STAG1: variants seen among roughly 807,000 people sequenced by gnomAD.
The protein encoded by STAG1 is STAG1 cohesin complex component.
A neutral mutation model predicts 170.9 loss-of-function variants in STAG1; 26 were observed. That is an observed-to-expected ratio of 0.15 (90% CI 0.11 to 0.21). STAG1 has a LOEUF of 0.21. Among genes scored for constraint, STAG1 ranks in the 10% least tolerant of loss-of-function variants. The pLI is 1.00. For missense variants in STAG1, 964 were observed against 1,509.5 expected (o/e 0.64, Z 5.99); for synonymous variants, 514 against 497.7 (o/e 1.03, Z -0.44).
At chr3:136,535,245 G>C (rs1211001905) in intron 6 of STAG1, among the ~76,000 whole-genome samples, 1 of 152,230 alleles carries the variant, frequency 6.6e-6, no homozygotes, top group Non-Finnish European at 1.5e-5. Context: ...AAGCGTGTGA[G>C]GAGGAAACAG....
chr3:136,708,797 G>C (rs1219993601), intron 1 of STAG1, among the ~76,000 whole-genome samples: 1 of 151,940 alleles, frequency 6.6e-6, no homozygotes, highest in Non-Finnish European at 1.5e-5. Context: ...GTTATTTATA[G>C]TTAAAAGTCA....
At chr3:136,736,945 G>C in intron 1 of STAG1, 1 of 1,595,294 alleles carries the variant, frequency 6.3e-7, no homozygotes, top group Non-Finnish European at 8.6e-7. Flanking sequence ...TTTGTCCACA[G>C]CCTCAAAAGC....
At chr3:136,513,418 A>C (rs1379879221) in intron 7 of STAG1, among the ~76,000 whole-genome samples, 2 of 152,290 alleles carry the variant, frequency 1.3e-5, no homozygotes, top group East Asian at 3.9e-4. Context: ...AGGATACTCA[A>C]AATTAATAAA....
chr3:136,416,035 G>A (rs1173748707), intron 21 of STAG1, among the ~76,000 whole-genome samples: 1 of 151,084 alleles, frequency 6.6e-6, no homozygotes, highest in African/African-American at 2.4e-5. Context: ...TTGAGACGGA[G>A]TCTTGCTCAT....
chr3:136,501,661 G>A (rs568486171), intron 8 of STAG1, among the ~76,000 whole-genome samples: 6 of 152,204 alleles, frequency 3.9e-5, no homozygotes, highest in Admixed American at 2.0e-4. Flanking sequence ...TGTTTAATTC[G>A]TTCAGTTTGT....
intron 1 of STAG1, among the ~76,000 whole-genome samples, chr3:136,731,651 A>C (rs559472283): frequency 6.6e-6 from 1 of 152,232 alleles, no homozygotes; most frequent in African/African-American, 2.4e-5. Context: ...GTACTTCGGG[A>C]AAACAAGAAC....
chr3:136,416,129 T>A (rs1406663283), intron 21 of STAG1, among the ~76,000 whole-genome samples: 2 of 152,064 alleles, frequency 1.3e-5, no homozygotes, highest in Admixed American at 6.6e-5. Context: ...TGCCTCAGCC[T>A]CCCGAGTAGC....
chr3:136,589,757 G>A lies in STAG1; in HGVS notation c.297+14552C>T, dbSNP rs146465265. Among the ~76,000 whole-genome samples, 87 of 150,626 alleles carry A rather than the reference G, an allele frequency of 5.8e-4. 5 individuals are homozygous for A. In the East Asian group the frequency reaches 0.016, roughly 27 times the overall value. Reference sequence around the variant, plus strand: ...ACCAACCTAGCCAACATAGTGAAACGCTGTCTCTACTAAAAATACAAAAAT... The same window carrying A: ...ACCAACCTAGCCAACATAGTGAAACACTGTCTCTACTAAAAATACAAAAAT... On this transcript the variant is annotated intron_variant, in intron 4 of 33. Coordinates refer to ENST00000383202, the MANE Select transcript of STAG1 (RefSeq NM_005862.3).
intron 1 of STAG1, among the ~76,000 whole-genome samples, chr3:136,649,549 T>C (rs1168000028): frequency 7.4e-6 from 1 of 135,436 alleles, no homozygotes; most frequent in Non-Finnish European, 1.6e-5. Context: ...ACTTAATAAA[T>C]ATTTCAATAG....
intron 4 of STAG1, among the ~76,000 whole-genome samples, chr3:136,569,175 A>T (rs1164500702): frequency 1.3e-5 from 2 of 152,100 alleles, no homozygotes; most frequent in Admixed American, 6.6e-5. Context: ...AAAATGATAA[A>T]AATTAACTTC....
intron 5 of STAG1, among the ~76,000 whole-genome samples, chr3:136,553,407 C>T (rs748864729): frequency 6.6e-6 from 1 of 152,152 alleles, no homozygotes; most frequent in African/African-American, 2.4e-5. Flanking sequence ...ACAATACTCC[C>T]TGCCCCTGTC....
At chr3:136,452,657 C>T (rs1198248707) in intron 13 of STAG1, among the ~76,000 whole-genome samples, 2 of 151,866 alleles carry the variant, frequency 1.3e-5, no homozygotes, top group Non-Finnish European at 2.9e-5. Context: ...GAACAATGTC[C>T]TACAGGTTAA....
intron 15 of STAG1, among the ~76,000 whole-genome samples, chr3:136,435,703 C>T (rs1014313579): frequency 5.3e-5 from 8 of 151,918 alleles, no homozygotes; most frequent in South Asian, 4.2e-4. Flanking sequence ...GCATTTCACT[C>T]GTGTCACCCA....
intron 22 of STAG1, among the ~76,000 whole-genome samples, chr3:136,379,775 T>A (rs887907411): frequency 2.6e-5 from 4 of 152,054 alleles, no homozygotes; most frequent in African/African-American, 9.7e-5. Flanking sequence ...GGGGTATAAA[T>A]AGGGAAGACA....
At chr3:136,426,098 T>G (rs998428788) in intron 16 of STAG1, among the ~76,000 whole-genome samples, 25 of 151,562 alleles carry the variant, frequency 1.6e-4, no homozygotes, top group African/African-American at 4.4e-4. Context: ...TTTTGGAGAT[T>G]TGCAACAATT....
intron 1 of STAG1, among the ~76,000 whole-genome samples, chr3:136,678,247 G>A (rs1464951628): frequency 1.3e-5 from 2 of 150,706 alleles, no homozygotes; most frequent in East Asian, 3.9e-4. Context: ...AAAAAAAGGT[G>A]TAAACTTGAA....
intron 1 of STAG1, among the ~76,000 whole-genome samples, chr3:136,668,724 C>A (rs1173260444): frequency 6.6e-6 from 1 of 152,094 alleles, no homozygotes; most frequent in East Asian, 1.9e-4. Flanking sequence ...ACCGTAGTAT[C>A]TACTGGGATC....
intron 5 of STAG1, among the ~76,000 whole-genome samples, chr3:136,558,248 C>T (rs1254355890): frequency 6.6e-6 from 1 of 152,072 alleles, no homozygotes; most frequent in African/African-American, 2.4e-5. Flanking sequence ...AAAAATTAGC[C>T]AGGCGTGGTG....
At chr3:136,656,616 T>TG (rs1216877155) in intron 1 of STAG1, among the ~76,000 whole-genome samples, 197 of 133,552 alleles carry the variant, frequency 1.5e-3, no homozygotes, top group African/African-American at 4.1e-3. Context: ...TCTGTATTTA[T>TG]TTGTGTGTGT....
Sources: allele counts gnomAD v4.1 joint callset (sites outside exome capture counted in the v4.1 genomes callset), GRCh38; gene constraint gnomAD v4.1.1; transcripts MANE v1.5; gene names NCBI Gene and HGNC (gene_info 2026-07-23, HGNC 2026-07-21).